PRR5L: variants seen among roughly 807,000 people sequenced by gnomAD.
PRR5L encodes the protein proline rich 5 like.
PRR5L carries 21 observed loss-of-function variants against 36.4 expected under a neutral mutation model. That is an observed-to-expected ratio of 0.58 (90% CI 0.41 to 0.83). PRR5L has a LOEUF of 0.83. Among genes scored for constraint, PRR5L ranks in the 40% least tolerant of loss-of-function variants. PRR5L has a pLI of 0.00. For synonymous variants in PRR5L, 188 were observed against 197.0 expected, an observed-to-expected ratio of 0.95 and a Z score of 0.38; for missense variants, 381 against 473.3, an observed-to-expected ratio of 0.80 and a Z score of 1.81.
intron 1 of PRR5L, chr11:36,297,498 A>G (rs35308369): frequency 2.0e-5 from 3 of 152,162 alleles, no homozygotes; most frequent in East Asian, 1.9e-4. Flanking sequence ...CCTCATATGT[A>G]AGAGAACATA....
At chr11:36,461,245 T>C (rs1859171525) in intron 8 of PRR5L, among the ~76,000 whole-genome samples, 1 of 152,192 alleles carries the variant, frequency 6.6e-6, no homozygotes, top group Non-Finnish European at 1.5e-5. Flanking sequence ...TACAATACCA[T>C]GACTTAGGTT....
At chr11:36,404,418 C>T (rs1436449576) in intron 3 of PRR5L, among the ~76,000 whole-genome samples, 3 of 152,020 alleles carry the variant, frequency 2.0e-5, no homozygotes, top group African/African-American at 7.2e-5. Context: ...CAGGTGCCCA[C>T]CACCATGCCT....
At chr11:36,383,243 T>A (rs1857401062) in intron 1 of PRR5L, among the ~76,000 whole-genome samples, 1 of 152,210 alleles carries the variant, frequency 6.6e-6, no homozygotes, top group Non-Finnish European at 1.5e-5. Context: ...TGGAGTTTAA[T>A]TTTTTTGGTT....
At chr11:36,365,231 G>T (rs1380970984) in intron 1 of PRR5L, among the ~76,000 whole-genome samples, 1 of 152,056 alleles carries the variant, frequency 6.6e-6, no homozygotes, top group Non-Finnish European at 1.5e-5. Flanking sequence ...CTTTGTTTCT[G>T]CAGTGGAAAC....
chr11:36,338,456 C>T (rs1856788553), intron 1 of PRR5L, among the ~76,000 whole-genome samples: 1 of 152,216 alleles, frequency 6.6e-6, no homozygotes, highest in African/African-American at 2.4e-5. Context: ...CTAGAAATGA[C>T]CATGAGATCT....
intron 1 of PRR5L, among the ~76,000 whole-genome samples, chr11:36,395,475 G>C (rs1590529760): frequency 6.6e-6 from 1 of 152,170 alleles, no homozygotes; most frequent in South Asian, 2.1e-4. Flanking sequence ...ATGGCTAGTG[G>C]CTACCATATT....
At chr11:36,401,699 C>T (rs1234111329) in intron 2 of PRR5L, among the ~76,000 whole-genome samples, 1 of 152,166 alleles carries the variant, frequency 6.6e-6, no homozygotes, top group Non-Finnish European at 1.5e-5. Context: ...TTCCAAAGCG[C>T]TGGGATTATG....
chr11:36,430,642 C>T (rs558930863), intron 4 of PRR5L, among the ~76,000 whole-genome samples: 1 of 152,264 alleles, frequency 6.6e-6, no homozygotes, highest in Admixed American at 6.5e-5. Flanking sequence ...ACTATTCCTA[C>T]CACCAGTGCT....
At position 36,401,152 on chromosome 11, in the gene PRR5L, G is replaced by T. The variant is rs141974589; in HGVS notation, c.31G>T (p.Val11Phe). Reference sequence around the variant, plus strand: ...CCGCGGCTTCGCTCCCATTCTGCCCGTCGAGTTCCACAAGATGGGCTCCTT... The same window carrying T: ...CCGCGGCTTCGCTCCCATTCTGCCCTTCGAGTTCCACAAGATGGGCTCCTT... MTRGFAPILP[V>F]EFHKMGSFRR... The change falls in exon 2 of 9, where the codon GTC becomes TTC. Residue 11 changes from valine (V) to phenylalanine (F), a missense_variant. Transcript: ENST00000530639. 121 of 1,614,150 alleles carry T rather than the reference G, an allele frequency of 7.5e-5. No individual in the cohort carries two copies. The South Asian group carries it at 1.3e-3, about 17-fold the overall frequency.
At position 36,462,644 on chromosome 11, in the gene PRR5L, G is replaced by C. The variant is rs1298382405; in HGVS notation, c.1015G>C (p.Glu339Gln). ...CCCGCCCCACCGGCAGTGCTCCAGT[G>C]AGCCCAACATCACTGACAACCCTGA... Reference protein sequence around the residue: ...FPPPHRQCSSEPNITDNPDGL... With the variant: ...FPPPHRQCSSQPNITDNPDGL... Residue 339 changes from glutamate to glutamine, a missense_variant, in exon 9 of 9, where the codon GAG becomes CAG. Glu to Gln is a conservative substitution (Grantham distance 29). Coordinates refer to ENST00000530639, the MANE Select transcript of PRR5L (RefSeq NM_001160167.2). 6.2e-7 allele frequency: 1 copy of C among 1,612,088 alleles called. No homozygotes were observed. The highest frequency in any genetic ancestry group is 8.5e-7 in the Non-Finnish European group (1 of 1,179,822).
At chr11:36,408,888 G>C (rs138520225) in intron 3 of PRR5L, among the ~76,000 whole-genome samples, 3 of 152,108 alleles carry the variant, frequency 2.0e-5, no homozygotes, top group Admixed American at 2.0e-4. Context: ...TGAGTGTTGG[G>C]GTGTGTGTGT....
chr11:36,302,356 G>C (rs1382193999), intron 1 of PRR5L, among the ~76,000 whole-genome samples: 2 of 152,198 alleles, frequency 1.3e-5, no homozygotes, highest in Admixed American at 6.5e-5. Context: ...GGAACAAAAA[G>C]ACATTTAACG....
chr11:36,402,082 C>T (rs371103321), intron 2 of PRR5L, among the ~76,000 whole-genome samples: 4 of 152,176 alleles, frequency 2.6e-5, no homozygotes, highest in African/African-American at 7.2e-5. Flanking sequence ...GTCTAGCCAA[C>T]CTTTTGTGCA....
chr11:36,357,851 G>C (rs375241721), intron 1 of PRR5L, among the ~76,000 whole-genome samples: 26 of 152,216 alleles, frequency 1.7e-4, no homozygotes, highest in African/African-American at 6.0e-4. Context: ...GGATCAAGGA[G>C]TAATTTTGAT....
intron 1 of PRR5L, among the ~76,000 whole-genome samples, chr11:36,371,802 T>C (rs887069937): frequency 2.9e-4 from 44 of 152,172 alleles, no homozygotes; most frequent in Non-Finnish European, 3.8e-4. Flanking sequence ...TTTAGGTCTG[T>C]AATCCCAGCG....
intron 4 of PRR5L, among the ~76,000 whole-genome samples, chr11:36,430,798 A>AG (rs1858477160): frequency 6.6e-6 from 1 of 152,198 alleles, no homozygotes; most frequent in Admixed American, 6.5e-5. Context: ...TTAAATACAA[A>AG]ATCGCACAGC....
chr11:36,430,252 A>C (rs1447871371), intron 4 of PRR5L, among the ~76,000 whole-genome samples: 1 of 152,074 alleles, frequency 6.6e-6, no homozygotes, highest in African/African-American at 2.4e-5. Flanking sequence ...TCTACCAAAA[A>C]AGTACAAAAA....
intron 1 of PRR5L, among the ~76,000 whole-genome samples, chr11:36,370,218 A>C (rs935128135): frequency 2.0e-5 from 3 of 152,088 alleles, no homozygotes; most frequent in African/African-American, 7.2e-5. Context: ...GGGCCTCTGT[A>C]CTGACCATTT....
In PRR5L at chr11:36,451,406, T is replaced by G. The variant is rs1008437279; in HGVS notation, c.712+71T>G. ...ATACCAGCACTGTTTAACTGAGCAC[T>G]GTTTAACTGAGCACTGATACCAGCA... On this transcript the variant is annotated intron_variant, in intron 8 of 8. Transcript: ENST00000530639. 6 of 1,558,204 alleles carry G rather than the reference T, an allele frequency of 3.9e-6. No homozygotes were observed. In the African/African-American group the frequency reaches 8.1e-5, roughly 21 times the overall value.
Sources: allele counts gnomAD v4.1 joint callset (sites outside exome capture counted in the v4.1 genomes callset), GRCh38; gene constraint gnomAD v4.1.1; transcripts MANE v1.5; gene names NCBI Gene and HGNC (gene_info 2026-07-23, HGNC 2026-07-21).